MEIKIN: variants seen among roughly 807,000 people sequenced by gnomAD.
MEIKIN encodes the protein meiosis-specific kinetochore protein.
At chr5:131,930,640 A>AT (rs1417617246) in intron 5 of MEIKIN, among the ~76,000 whole-genome samples, 4 of 151,114 alleles carry the variant, frequency 2.6e-5, no homozygotes, top group Non-Finnish European at 5.9e-5. Context: ...ATTCTTTTTT[A>AT]TTTTTTTTAG....
chr5:131,814,532 C>T (rs1359911040), intron 12 of MEIKIN, among the ~76,000 whole-genome samples: 2 of 152,202 alleles, frequency 1.3e-5, no homozygotes, highest in East Asian at 1.9e-4. Context: ...TCGCCTCAAC[C>T]TCCCAAAGCG....
intron 11 of MEIKIN, among the ~76,000 whole-genome samples, chr5:131,828,443 C>T (rs188359290): frequency 6.6e-4 from 101 of 152,176 alleles, no homozygotes; most frequent in African/African-American, 2.4e-3. Flanking sequence ...GGATTACAGG[C>T]GTGAGCCACT....
chr5:131,853,607 T>C (rs915257924), intron 10 of MEIKIN, among the ~76,000 whole-genome samples: 2 of 152,216 alleles, frequency 1.3e-5, no homozygotes, highest in African/African-American at 4.8e-5. Flanking sequence ...GTAAATCATA[T>C]GTTGGGTAAT....
intron 11 of MEIKIN, among the ~76,000 whole-genome samples, chr5:131,823,708 G>T (rs1265534380): frequency 6.6e-6 from 1 of 152,064 alleles, no homozygotes. Context: ...ATTTAGATCT[G>T]GTGGGGTCAT....
At chr5:131,910,826 T>A (rs1190184653) in intron 8 of MEIKIN, among the ~76,000 whole-genome samples, 2 of 152,040 alleles carry the variant, frequency 1.3e-5, no homozygotes, top group Non-Finnish European at 2.9e-5. Flanking sequence ...CATATAAAAG[T>A]AAGAATACAG....
chr5:131,869,800 T>C (rs906913941), intron 9 of MEIKIN, among the ~76,000 whole-genome samples: 2 of 152,212 alleles, frequency 1.3e-5, no homozygotes, highest in Non-Finnish European at 2.9e-5. Context: ...CTGTTTAGGT[T>C]TTCCTACCCT....
intron 8 of MEIKIN, among the ~76,000 whole-genome samples, chr5:131,882,317 C>T (rs1409007534): frequency 6.6e-6 from 1 of 152,136 alleles, no homozygotes; most frequent in Non-Finnish European, 1.5e-5. Context: ...AAAGTACCAC[C>T]TCTTAGAACC....
intron 11 of MEIKIN, among the ~76,000 whole-genome samples, chr5:131,839,191 T>C (rs148898021): frequency 2.3e-4 from 35 of 152,326 alleles, no homozygotes; most frequent in African/African-American, 8.4e-4. Flanking sequence ...TGAATTCTAT[T>C]ATTAATGGTG....
At chr5:131,824,376 C>T (rs373861523) in intron 11 of MEIKIN, among the ~76,000 whole-genome samples, 1 of 151,596 alleles carries the variant, frequency 6.6e-6, no homozygotes, top group Non-Finnish European at 1.5e-5. Context: ...AAAACTTAGC[C>T]AGGTGTGGTG....
chr5:131,849,210 G>C (rs1311021301), intron 11 of MEIKIN, among the ~76,000 whole-genome samples: 1 of 151,990 alleles, frequency 6.6e-6, no homozygotes, highest in African/African-American at 2.4e-5. Flanking sequence ...CAATTGTTTA[G>C]CACCATGCCC....
At chr5:131,879,449 T>G (rs1045789248) in intron 8 of MEIKIN, among the ~76,000 whole-genome samples, 1 of 152,236 alleles carries the variant, frequency 6.6e-6, no homozygotes, top group Non-Finnish European at 1.5e-5. Context: ...GGTTTTTGGT[T>G]ATATGGAAAA....
intron 9 of MEIKIN, among the ~76,000 whole-genome samples, chr5:131,865,745 C>G (rs1750372665): frequency 6.6e-6 from 1 of 152,216 alleles, no homozygotes; most frequent in South Asian, 2.1e-4. Context: ...CACATTTGCT[C>G]TGATTCTGGG....
intron 8 of MEIKIN, 125 bp from the exon 9 acceptor site, chr5:131,879,173 A>T (rs1750663271): frequency 2.6e-6 from 1 of 391,792 alleles, no homozygotes; most frequent in Non-Finnish European, 4.5e-6. Flanking sequence ...GATTTTAATG[A>T]CTGCACCTTT....
chr5:131,891,981 G>A (rs898100634), intron 8 of MEIKIN, among the ~76,000 whole-genome samples: 2 of 152,062 alleles, frequency 1.3e-5, no homozygotes, highest in African/African-American at 4.8e-5. Context: ...ATGAAGCTTA[G>A]TTTGGCTGGA....
At position 131,921,877 on chromosome 5, in the gene MEIKIN, A is replaced by G. The variant is rs1751511002; in HGVS notation, c.543T>C (p.Ser181=). ...GTGCCTTCTCTATCGCTACTGCTTT[A>G]CTGGTATCCAGAAGAGTAGAATTCT... ...QWKNSTLLDT[S]KAVAIEKAPQ... Residue 181 remains serine (S), a synonymous_variant, in exon 6 of 13, where the codon AGT becomes AGC. Coordinates refer to ENST00000442687, the MANE Select transcript of MEIKIN (RefSeq NM_001303622.2). 5.0e-6 allele frequency: 2 copies of G among 399,020 alleles called. No individual in the cohort carries two copies. Among genetic ancestry groups the G allele is most frequent in the Non-Finnish European group, 8.8e-6 (2 of 226,044 alleles). 24.7% of individuals were successfully genotyped at this position (399,020 alleles called of 1,614,324 possible).
intron 11 of MEIKIN, among the ~76,000 whole-genome samples, chr5:131,820,070 C>CG (rs1749464392): frequency 2.1e-5 from 2 of 94,048 alleles, no homozygotes; most frequent in African/African-American, 9.0e-5. Flanking sequence ...CCACCGCGCC[C>CG]GGCCTTTTTT....
At chr5:131,834,961 T>G (rs929742024) in intron 11 of MEIKIN, among the ~76,000 whole-genome samples, 14 of 152,172 alleles carry the variant, frequency 9.2e-5, no homozygotes. Flanking sequence ...CTATACTTTT[T>G]AATCTGTTGC....
At chr5:131,935,348 T>A (rs1182670945) in intron 4 of MEIKIN, among the ~76,000 whole-genome samples, 1 of 140,104 alleles carries the variant, frequency 7.1e-6, no homozygotes, top group Non-Finnish European at 1.6e-5. Flanking sequence ...AGAAAACAAA[T>A]CCTCAATAAG....
At chr5:131,844,196 TC>T (rs373396751) in intron 11 of MEIKIN, among the ~76,000 whole-genome samples, 1 of 151,794 alleles carries the variant, frequency 6.6e-6, no homozygotes, top group African/African-American at 2.4e-5. Flanking sequence ...TCCCACTAGA[TC>T]CCTCCCCCAA....
Sources: allele counts gnomAD v4.1 joint callset (sites outside exome capture counted in the v4.1 genomes callset), GRCh38; gene constraint gnomAD v4.1.1; transcripts MANE v1.5; gene names NCBI Gene and HGNC (gene_info 2026-07-23, HGNC 2026-07-21).